Variants in FARS2 observed in about 807,000 individuals in gnomAD.
The protein encoded by FARS2 is phenylalanyl-tRNA synthetase 2, mitochondrial.
FARS2 carries 40 observed loss-of-function variants against 46.4 expected under a neutral mutation model. The observed-to-expected ratio is 0.86, with a 90% CI of 0.67 to 1.12. The LOEUF (loss-of-function observed/expected upper bound fraction) is 1.12. FARS2 is among the 50% of genes most tolerant of loss of function. The pLI is 0.00. For synonymous variants in FARS2, 234 were observed against 214.9 expected (o/e 1.09, Z -0.78); for missense variants, 513 against 567.9 (o/e 0.90, Z 0.98).
At chr6:5,318,369 A>G (rs969185988) in intron 1 of FARS2, among the ~76,000 whole-genome samples, 3 of 142,786 alleles carry the variant, frequency 2.1e-5, no homozygotes, top group Non-Finnish European at 4.6e-5. Context: ...AAGAAAAAGC[A>G]AACAAGCAAA....
At chr6:5,670,754 A>T (rs1035136452) in intron 6 of FARS2, among the ~76,000 whole-genome samples, 3 of 152,060 alleles carry the variant, frequency 2.0e-5, no homozygotes, top group African/African-American at 7.2e-5. Context: ...AAATAAGCAC[A>T]CTTTTTAAGT....
chr6:5,251,076 T>A, the FARS2 span, among the ~76,000 whole-genome samples: 1 of 152,234 alleles, frequency 6.6e-6, no homozygotes, highest in Non-Finnish European at 1.5e-5. Flanking sequence ...CGTCCTTATA[T>A]GTACATTGCA....
chr6:5,523,365 T>G (rs1349584002), intron 4 of FARS2, among the ~76,000 whole-genome samples: 1 of 150,812 alleles, frequency 6.6e-6, no homozygotes, highest in East Asian at 1.9e-4. Flanking sequence ...CTTTTTTGAC[T>G]GGTAGAGTTG....
intron 1 of FARS2, among the ~76,000 whole-genome samples, chr6:5,358,523 T>C (rs1367919062): frequency 6.6e-6 from 1 of 152,180 alleles, no homozygotes; most frequent in Non-Finnish European, 1.5e-5. Flanking sequence ...CCAGAGTATG[T>C]ATTGTGCTTT....
At chr6:5,395,005 G>A (rs1192374301) in intron 2 of FARS2, among the ~76,000 whole-genome samples, 2 of 152,014 alleles carry the variant, frequency 1.3e-5, no homozygotes, top group African/African-American at 4.8e-5. Flanking sequence ...GGCTTATTCT[G>A]CAAGGCCCTG....
intron 1 of FARS2, among the ~76,000 whole-genome samples, chr6:5,290,435 GT>G (rs1767424897): frequency 6.6e-6 from 1 of 152,130 alleles, no homozygotes. Context: ...TTGGGTATCT[GT>G]TTTAAATTGA....
chr6:5,679,733 G>GA (rs2150830034), intron 6 of FARS2, among the ~76,000 whole-genome samples: 1 of 152,196 alleles, frequency 6.6e-6, no homozygotes, highest in East Asian at 1.9e-4. Flanking sequence ...TTCATACCTG[G>GA]AAGCAGCCGT....
At chr6:5,291,264 T>G (rs1451614695) in intron 1 of FARS2, 3 of 152,218 alleles carry the variant, frequency 2.0e-5, no homozygotes, top group Non-Finnish European at 4.4e-5. Flanking sequence ...CACAAGAAGC[T>G]GGTGCTTAAC....
At chr6:5,643,852 G>A (rs565546705) in intron 6 of FARS2, among the ~76,000 whole-genome samples, 5 of 152,190 alleles carry the variant, frequency 3.3e-5, no homozygotes, top group Admixed American at 1.3e-4. Flanking sequence ...AGAAAAACTC[G>A]AGGAGGGGCT....
chr6:5,434,556 G>A (rs971740979), intron 4 of FARS2, among the ~76,000 whole-genome samples: 3 of 152,170 alleles, frequency 2.0e-5, no homozygotes, highest in African/African-American at 7.2e-5. Context: ...TCTCAAATTC[G>A]AAGGTGTTTG....
chr6:5,552,597 G>A lies in FARS2; in HGVS notation c.1065+7257G>A, dbSNP rs552423200. 1.4e-4 allele frequency among the ~76,000 whole-genome samples: 22 copies of A among 152,296 alleles called. No individual in the cohort carries two copies. The South Asian group carries it at 4.6e-3, about 32-fold the overall frequency. On this transcript the variant is annotated intron_variant, in intron 5 of 6. Coordinates refer to ENST00000274680, the MANE Select transcript of FARS2 (RefSeq NM_006567.5). ...TTGATGGGACCCTGAGTCCTCACCTGTGTGACTCTTTTCCTGCATACCTTG... is the reference window on the plus strand; with the variant it reads ...TTGATGGGACCCTGAGTCCTCACCTATGTGACTCTTTTCCTGCATACCTTG...
intron 4 of FARS2, among the ~76,000 whole-genome samples, chr6:5,474,810 C>T (rs140252348): frequency 0.024 from 3,712 of 152,068 alleles, 75 homozygotes; most frequent in Admixed American, 0.066. Flanking sequence ...CAGGCACCCG[C>T]CACCACGCCC....
intron 6 of FARS2, among the ~76,000 whole-genome samples, chr6:5,719,998 T>C (rs1040829208): frequency 1.3e-5 from 2 of 152,164 alleles, no homozygotes; most frequent in African/African-American, 4.8e-5. Flanking sequence ...GAGTCACTTG[T>C]AAAAGTTGGC....
intron 4 of FARS2, among the ~76,000 whole-genome samples, chr6:5,453,826 A>G (rs1764654963): frequency 6.6e-6 from 1 of 152,114 alleles, no homozygotes; most frequent in Non-Finnish European, 1.5e-5. Flanking sequence ...CATGGAAAGT[A>G]TGTTAAATGC....
At chr6:5,296,033 C>G (rs1456920590) in intron 1 of FARS2, among the ~76,000 whole-genome samples, 1 of 151,566 alleles carries the variant, frequency 6.6e-6, no homozygotes, top group East Asian at 1.9e-4. Context: ...TTAATCCTCA[C>G]TGCAACTCTA....
At chr6:5,534,906 T>C (rs1377885977) in intron 4 of FARS2, among the ~76,000 whole-genome samples, 2 of 145,656 alleles carry the variant, frequency 1.4e-5, no homozygotes, top group Non-Finnish European at 3.1e-5. Context: ...CTGGGTGATA[T>C]GGTCAAATTC....
intron 5 of FARS2, among the ~76,000 whole-genome samples, chr6:5,585,740 A>G (rs1388173918): frequency 6.6e-6 from 1 of 151,852 alleles, no homozygotes; most frequent in Non-Finnish European, 1.5e-5. Context: ...TGGAATACAC[A>G]CACATATATA....
intron 6 of FARS2, among the ~76,000 whole-genome samples, chr6:5,753,067 A>G (rs990748879): frequency 1.3e-5 from 2 of 152,190 alleles, no homozygotes; most frequent in Non-Finnish European, 2.9e-5. Flanking sequence ...AGATAGTCAT[A>G]TGAAATTGCC....
chr6:5,480,882 G>C (rs573157721), intron 4 of FARS2, among the ~76,000 whole-genome samples: 1 of 152,190 alleles, frequency 6.6e-6, no homozygotes, highest in Non-Finnish European at 1.5e-5. Flanking sequence ...GATTCTGCAG[G>C]ATCTATAGAA....
Sources: gnomAD v4.1 joint callset for allele counts (sites outside exome capture counted in the v4.1 genomes callset) on GRCh38, gnomAD v4.1.1 for gene constraint, MANE v1.5 for transcripts, NCBI Gene and HGNC (gene_info 2026-07-23, HGNC 2026-07-21) for gene names.